ZNF362: variants seen among roughly 807,000 people sequenced by gnomAD.
ZNF362 encodes the protein rotund homolog.
A neutral mutation model predicts 42.9 loss-of-function variants in ZNF362; 11 were observed. That is an observed-to-expected ratio of 0.26 (90% CI 0.16 to 0.42). The LOEUF (loss-of-function observed/expected upper bound fraction) is 0.42, where lower values mean the gene tolerates loss of function less well. Ranked by LOEUF, ZNF362 falls within the 20% of genes least tolerant of loss-of-function variation. The pLI, the probability that ZNF362 is intolerant of heterozygous loss-of-function variation, is 1.00. For missense variants in ZNF362, 362 were observed against 576.2 expected (o/e 0.63, Z 3.81); for synonymous variants, 255 against 257.3 (o/e 0.99, Z 0.09).
At chr1:33,142,445 G>A in the ZNF362 span, 1 of 152,264 alleles carries the variant, frequency 6.6e-6, no homozygotes, top group Non-Finnish European at 1.5e-5. Flanking sequence ...CAAGCCGTGG[G>A]ACCTAACGTT....
At chr1:33,179,209 T>C in the ZNF362 span, among the ~76,000 whole-genome samples, 6 of 152,356 alleles carry the variant, frequency 3.9e-5, no homozygotes, top group African/African-American at 1.4e-4. Flanking sequence ...ACGATGGCTC[T>C]GGGGGTGGAG....
the ZNF362 span, among the ~76,000 whole-genome samples, chr1:33,150,961 A>T: frequency 2.0e-5 from 3 of 152,170 alleles, no homozygotes; most frequent in Admixed American, 6.5e-5. Context: ...CGCCTGGGTG[A>T]TTTGAGACCA....
At chr1:33,212,305 C>T in the ZNF362 span, among the ~76,000 whole-genome samples, 1 of 152,112 alleles carries the variant, frequency 6.6e-6, no homozygotes, top group African/African-American at 2.4e-5. Flanking sequence ...ATTATCCAGT[C>T]CCAGGTATTT....
chr1:33,187,698 T>C, the ZNF362 span, among the ~76,000 whole-genome samples: 2 of 152,294 alleles, frequency 1.3e-5, no homozygotes, highest in African/African-American at 4.8e-5. Flanking sequence ...GCAGATATAA[T>C]TTTAGGTTTA....
chr1:33,149,817 A>G, the ZNF362 span, among the ~76,000 whole-genome samples: 1 of 151,974 alleles, frequency 6.6e-6, no homozygotes, highest in South Asian at 2.1e-4. Context: ...CTGTGATCAC[A>G]TTTTGCCCTA....
the ZNF362 span, among the ~76,000 whole-genome samples, chr1:33,226,090 T>C: frequency 7.9e-4 from 121 of 152,276 alleles, no homozygotes; most frequent in African/African-American, 2.7e-3. Context: ...GGCACATACC[T>C]GACCAAAATC....
In ZNF362 at chr1:33,295,602, C is replaced by T. The variant is rs111743377; in HGVS notation, c.1146+297C>T. ...GGCAGGAGGCTTTTCACCTGCTCCGCAGAGCTACAGAGAGAAGCGCCTTCC... is the reference window on the plus strand; with the variant it reads ...GGCAGGAGGCTTTTCACCTGCTCCGTAGAGCTACAGAGAGAAGCGCCTTCC... On this transcript the variant is annotated intron_variant, in intron 8 of 8. Coordinates refer to ENST00000539719, the MANE Select transcript of ZNF362 (RefSeq NM_152493.3). Among the ~76,000 whole-genome samples the T allele has an allele frequency of 4.1e-3, 455 of 111,916 alleles. 14 individuals carry two copies. Among genetic ancestry groups the T allele is most frequent in the African/African-American group, 7.9e-3 (292 of 37,110 alleles). The allele number at this position is 111,916 out of a possible 152,430, so 73.4% of individuals were successfully genotyped here.
the ZNF362 span, among the ~76,000 whole-genome samples, chr1:33,210,430 G>A: frequency 6.6e-6 from 1 of 152,200 alleles, no homozygotes; most frequent in Non-Finnish European, 1.5e-5. Flanking sequence ...TTCTGTAGAT[G>A]TCTATTAGGT....
chr1:33,180,598 T>C, the ZNF362 span, among the ~76,000 whole-genome samples: 1 of 152,146 alleles, frequency 6.6e-6, no homozygotes, highest in African/African-American at 2.4e-5. Context: ...CCCGGTTTAA[T>C]ACAGACCCAT....
the ZNF362 span, chr1:33,145,840 C>T: frequency 2.1e-6 from 1 of 470,880 alleles, no homozygotes; most frequent in Non-Finnish European, 4.4e-6. Flanking sequence ...GGGCTTGCTC[C>T]ACCCACCCTA....
chr1:33,159,782 G>C, the ZNF362 span: 1 of 1,613,776 alleles, frequency 6.2e-7, no homozygotes, highest in Non-Finnish European at 8.5e-7. This position sits in a 1 kb window ranked among gnomAD's most constrained non-coding sequence, Gnocchi z 4.2. Flanking sequence ...TGGACCTTGC[G>C]CAGCTGCTGG....
chr1:33,225,392 T>A, the ZNF362 span, among the ~76,000 whole-genome samples: 1 of 152,178 alleles, frequency 6.6e-6, no homozygotes, highest in Non-Finnish European at 1.5e-5. Flanking sequence ...GCTCTCCTTT[T>A]ACCTAAATGT....
At chr1:33,285,407 CCA>C (rs1338880134) in intron 6 of ZNF362, among the ~76,000 whole-genome samples, 4 of 152,104 alleles carry the variant, frequency 2.6e-5, no homozygotes, top group African/African-American at 9.7e-5. Context: ...GAGCAAGACC[CCA>C]TCTCACCAAC....
At chr1:33,222,982 G>A in the ZNF362 span, among the ~76,000 whole-genome samples, 1 of 152,152 alleles carries the variant, frequency 6.6e-6, no homozygotes, top group South Asian at 2.1e-4. Flanking sequence ...GCTGGGCACG[G>A]TGGCTCATGT....
chr1:33,207,817 T>C, the ZNF362 span, among the ~76,000 whole-genome samples: 1 of 152,182 alleles, frequency 6.6e-6, no homozygotes, highest in South Asian at 2.1e-4. Context: ...TATAAATTTG[T>C]TTAAGTTCTT....
the ZNF362 span, among the ~76,000 whole-genome samples, chr1:33,251,009 AC>A: frequency 6.6e-6 from 1 of 152,132 alleles, no homozygotes; most frequent in Non-Finnish European, 1.5e-5. Flanking sequence ...ACAGAGAGGG[AC>A]ATTTAAGCCG....
chr1:33,221,575 G>A, the ZNF362 span, among the ~76,000 whole-genome samples: 124 of 152,162 alleles, frequency 8.1e-4, 1 homozygote, highest in Admixed American at 1.2e-3. Context: ...CACAGCTTGC[G>A]CAAGTATATA....
the ZNF362 span, among the ~76,000 whole-genome samples, chr1:33,161,383 T>C: frequency 6.6e-6 from 1 of 152,044 alleles, no homozygotes; most frequent in Non-Finnish European, 1.5e-5. The surrounding 1 kb of genome is among the most constrained non-coding windows in gnomAD (Gnocchi z 4.3). Flanking sequence ...GGCCTGCCTC[T>C]GCAATTTTAC....
rs1302975381 is a variant in ZNF362, at chr1:33,280,021, C to T, written c.350-103C>T. On this transcript the variant is annotated intron_variant, in intron 4 of 8. Transcript: ENST00000539719. The surrounding 1 kb of genome is among the most constrained non-coding windows in gnomAD (Gnocchi z 5.6). ...TTACCCCTGGGTAATAACTTATGAA[C>T]GTTAAGGGGATGCTCGCCTGCCAAA... 1.5e-6 allele frequency: 2 copies of T among 1,374,888 alleles called. No homozygotes were observed. Among genetic ancestry groups the T allele is most frequent in the East Asian group, 2.5e-5 (1 of 40,420 alleles). 85.2% of individuals were successfully genotyped at this position (1,374,888 alleles called of 1,614,324 possible).
Sources: allele counts gnomAD v4.1 joint callset (sites outside exome capture counted in the v4.1 genomes callset), GRCh38; gene constraint gnomAD v4.1.1; non-coding constraint Gnocchi (gnomAD v3.1); transcripts MANE v1.5; gene names NCBI Gene and HGNC (gene_info 2026-07-23, HGNC 2026-07-21).